IL1R1: variants seen among roughly 807,000 people sequenced by gnomAD.
The protein encoded by IL1R1 is interleukin-1 receptor type 1.
In IL1R1, 22 loss-of-function variants were observed where a neutral mutation model predicts 50.2. The observed-to-expected ratio is 0.44, with a 90% confidence interval of 0.31 to 0.63. The LOEUF is 0.63. Among genes scored for constraint, IL1R1 ranks in the 20% least tolerant of loss-of-function variants. IL1R1 has a pLI of 0.07. For synonymous variants in IL1R1, 251 were observed against 236.7 expected (o/e 1.06, Z -0.55); for missense variants, 509 against 676.2 (o/e 0.75, Z 2.74).
At chr2:102,087,619 C>T (rs1679484469) in intron 1 of IL1R1, among the ~76,000 whole-genome samples, 2 of 152,106 alleles carry the variant, frequency 1.3e-5, no homozygotes, top group Non-Finnish European at 2.9e-5. Context: ...TGTGAGTTCT[C>T]ATGAGGTTTG....
At chr2:102,159,350 T>C (rs865951659) in intron 3 of IL1R1, among the ~76,000 whole-genome samples, 1 of 152,228 alleles carries the variant, frequency 6.6e-6, no homozygotes, top group African/African-American at 2.4e-5. Flanking sequence ...TCCCCTTTGC[T>C]GAGGGGCTCC....
At chr2:102,095,863 T>TCC (rs1679878691) in intron 1 of IL1R1, among the ~76,000 whole-genome samples, 1 of 151,802 alleles carries the variant, frequency 6.6e-6, no homozygotes, top group South Asian at 2.1e-4. Flanking sequence ...ATTAGCTGGG[T>TCC]GTGGTGGTAC....
At chr2:102,131,349 A>C (rs1577917225) in intron 1 of IL1R1, among the ~76,000 whole-genome samples, 1 of 152,238 alleles carries the variant, frequency 6.6e-6, no homozygotes. Flanking sequence ...CAACCAAAAA[A>C]TTACCAGGTA....
At chr2:102,095,958 G>C (rs13013537) in intron 1 of IL1R1, among the ~76,000 whole-genome samples, 2 of 151,940 alleles carry the variant, frequency 1.3e-5, no homozygotes, top group Non-Finnish European at 1.5e-5. Flanking sequence ...AGCCGAGATC[G>C]TGCCACTGCA....
chr2:102,153,309 G>C lies in IL1R1; in HGVS notation c.-83-632G>C, dbSNP rs116343300. ...GTGGTTTGATTCATTTCTGCACCCC[G>C]GTGTCTAGCAAAGTGCCACGTGCAT... On this transcript the variant is annotated intron_variant, in intron 1 of 11. Transcript: ENST00000410023. Among the ~76,000 whole-genome samples the C allele has an allele frequency of 8.3e-3, 1,256 of 152,190 alleles. 11 individuals are homozygous for C. Among genetic ancestry groups the C allele is most frequent in the African/African-American group, 0.028 (1,169 of 41,496 alleles).
chr2:102,125,304 C>T (rs181448000), intron 1 of IL1R1, among the ~76,000 whole-genome samples: 102 of 152,300 alleles, frequency 6.7e-4, no homozygotes, highest in African/African-American at 2.2e-3. Context: ...AACAAACAAA[C>T]GAAACCAATA....
rs114927873 is a variant in IL1R1, at chr2:102,088,711, G to A, written c.-84+18178G>A. On this transcript the variant is annotated intron_variant, in intron 1 of 11. Coordinates refer to the IL1R1 transcript ENST00000409929. ...TCCTAGATGGCATTTTCTTCCAACA[G>A]AAGGCTGTTTTGTCTACATTGCAAA... Among the ~76,000 whole-genome samples the A allele has an allele frequency of 9.8e-3, 1,497 of 152,296 alleles. 26 individuals are homozygous for A. Among genetic ancestry groups the A allele is most frequent in the African/African-American group, 0.034 (1,421 of 41,560 alleles).
chr2:102,116,199 C>T (rs1380042705), intron 1 of IL1R1, among the ~76,000 whole-genome samples: 3 of 152,212 alleles, frequency 2.0e-5, no homozygotes, highest in Admixed American at 1.3e-4. Flanking sequence ...ATTTCTCTAG[C>T]TTCTAACACT....
intron 3 of IL1R1, among the ~76,000 whole-genome samples, chr2:102,164,538 G>A (rs1305221077): frequency 2.0e-5 from 3 of 152,130 alleles, no homozygotes; most frequent in Non-Finnish European, 4.4e-5. Flanking sequence ...TGAAAAGGGG[G>A]TGAAGGATGT....
rs557018757 is a variant in IL1R1, at chr2:102,159,776, CCT to C, written c.61+1998_61+1999del. Reference sequence around the variant, plus strand: ...TGGGACTTTTCGAGGAGCTCCAAACCCTCTCTCTTCTTGCAAGCCTGCTGGTT... The same window carrying C: ...TGGGACTTTTCGAGGAGCTCCAAACCCTCTCTTCTTGCAAGCCTGCTGGTT... On this transcript the variant is annotated intron_variant, in intron 3 of 11. Coordinates refer to ENST00000410023, the MANE Select transcript of IL1R1 (RefSeq NM_000877.4). Among the ~76,000 whole-genome samples, 200 of 152,238 alleles carry C rather than the reference CCT, an allele frequency of 1.3e-3. 1 individual carries two copies. The highest frequency in any genetic ancestry group is 4.4e-3 in the African/African-American group (184 of 41,534).
intron 1 of IL1R1, among the ~76,000 whole-genome samples, chr2:102,119,783 T>C (rs1468279171): frequency 5.3e-5 from 8 of 152,204 alleles, no homozygotes; most frequent in Non-Finnish European, 1.0e-4. Flanking sequence ...CCTTACATAG[T>C]TACCTGTTTT....
chr2:102,156,946 T>C (rs537308494), intron 2 of IL1R1, among the ~76,000 whole-genome samples: 3 of 152,224 alleles, frequency 2.0e-5, no homozygotes, highest in Non-Finnish European at 4.4e-5. Flanking sequence ...CGGATAAGAA[T>C]ATAGGCAAAT....
intron 1 of IL1R1, among the ~76,000 whole-genome samples, chr2:102,116,900 T>C (rs922974791): frequency 1.3e-5 from 2 of 152,222 alleles, no homozygotes; most frequent in Non-Finnish European, 2.9e-5. Flanking sequence ...GAGTTCCACT[T>C]CTTACTGTTC....
rs182394090 is a variant in IL1R1, at chr2:102,108,721, G to A, written c.-84+3849G>A. On this transcript the variant is annotated intron_variant, in intron 1 of 10. Transcript: ENST00000409329. The stretch of plus-strand genomic sequence containing the variant: ...TTGGGTGAGTCTCAGTTTCTATTGA[G>A]TAAATATTTAAAGCTCTGAAAGGAT... 7.2e-3 allele frequency among the ~76,000 whole-genome samples: 1,102 copies of A among 152,144 alleles called. 52 individuals are homozygous for A. The highest frequency in any genetic ancestry group is 2.1e-3 in the Non-Finnish European group (141 of 68,010).
intron 1 of IL1R1, among the ~76,000 whole-genome samples, chr2:102,096,473 T>G (rs1577832992): frequency 6.6e-6 from 1 of 152,338 alleles, no homozygotes; most frequent in African/African-American, 2.4e-5. Flanking sequence ...GTTTTTAAGT[T>G]AGGTATCTTT....
intron 1 of IL1R1, among the ~76,000 whole-genome samples, chr2:102,134,750 T>C (rs546051520): frequency 6.6e-6 from 1 of 152,332 alleles, no homozygotes; most frequent in South Asian, 2.1e-4. Context: ...CACCATGTTC[T>C]TCCTGAGGGT....
At chr2:102,087,658 T>C (rs1367782939) in intron 1 of IL1R1, among the ~76,000 whole-genome samples, 3 of 152,124 alleles carry the variant, frequency 2.0e-5, no homozygotes, top group African/African-American at 7.2e-5. Context: ...ATGTTCCCCC[T>C]TGCTCTCTCT....
chr2:102,159,200 A>G (rs1237601994), intron 3 of IL1R1, among the ~76,000 whole-genome samples: 2 of 152,244 alleles, frequency 1.3e-5, no homozygotes, highest in Non-Finnish European at 2.9e-5. Context: ...TGGGTTGAAT[A>G]TATAAAATTG....
At chr2:102,172,098 T>TAAAA (rs1351200083) in intron 8 of IL1R1, 180 bp downstream of exon 8, 1 of 180,782 alleles carries the variant, frequency 5.5e-6, no homozygotes, top group Non-Finnish European at 9.4e-6. Flanking sequence ...ACATTTAAGG[T>TAAAA]AAAAAATACT....
Sources: allele counts gnomAD v4.1 joint callset (sites outside exome capture counted in the v4.1 genomes callset), GRCh38; gene constraint gnomAD v4.1.1; transcripts MANE v1.5; gene names NCBI Gene and HGNC (gene_info 2026-07-23, HGNC 2026-07-21).